GASK1B: variants seen among roughly 807,000 people sequenced by gnomAD.
GASK1B encodes the protein golgi associated kinase 1B.
GASK1B carries 34 observed loss-of-function variants against 42.8 expected under a neutral mutation model. That is an observed-to-expected ratio of 0.79 (90% CI 0.60 to 1.06). GASK1B has a LOEUF of 1.06. Among genes scored for constraint, GASK1B ranks in the 50% least tolerant of loss-of-function variants. The pLI is 0.00. For missense variants in GASK1B, 686 were observed against 661.0 expected (o/e 1.04, Z -0.42); for synonymous variants, 262 against 259.1 (o/e 1.01, Z -0.11).
Position 158,127,259 on chromosome 4 carries a change from A to G in GASK1B, c.*148T>C. ...AAGTATGCATACAGTGCTAAGTCCC[A>G]TTATAGCTACTTGGTTAAAGTCATT... On this transcript the variant is annotated 3_prime_UTR_variant, in exon 5 of 5. Transcript: ENST00000585682. 4.5e-6 allele frequency: 3 copies of G among 659,700 alleles called. 1 individual carries two copies. The South Asian group carries it at 5.6e-5, about 12-fold the overall frequency. The allele number at this position is 659,700 out of a possible 1,614,324, so 40.9% of individuals were successfully genotyped here.
chr4:158,170,520 G>C lies in GASK1B; in HGVS notation c.856C>G (p.Leu286Val). 1 of 1,614,248 alleles carries C rather than the reference G, an allele frequency of 6.2e-7. No homozygotes were observed. The highest frequency in any genetic ancestry group is 8.5e-7 in the Non-Finnish European group (1 of 1,180,040). ...EVFAFHLDRILGLNRTLPSVS... is the reference protein window; with the variant it reads ...EVFAFHLDRIVGLNRTLPSVS... The stretch of plus-strand genomic sequence containing the variant: ...GACGGCAGGGTCCTGTTGAGCCCCA[G>C]GATCCTGTCTAGGTGGAAGGCAAAC... Residue 286 changes from leucine to valine, a missense_variant, in exon 2 of 5, where the codon CTG becomes GTG. Physicochemically the swap from Leu to Val is conservative, Grantham distance 32. Transcript: ENST00000585682.
At chr4:158,171,859 A>C (rs1204696839) in intron 1 of GASK1B, among the ~76,000 whole-genome samples, 2 of 152,208 alleles carry the variant, frequency 1.3e-5, no homozygotes, top group Non-Finnish European at 2.9e-5. Context: ...TCTGAAGCAA[A>C]AGCGTTAAAA....
chr4:158,131,319 C>A (rs1217835227), intron 3 of GASK1B, among the ~76,000 whole-genome samples: 6 of 152,202 alleles, frequency 3.9e-5, no homozygotes, highest in African/African-American at 1.4e-4. Flanking sequence ...CCAGCACAAT[C>A]TCTGACTCCA....
chr4:158,132,418 A>T (rs1336471491), intron 3 of GASK1B, among the ~76,000 whole-genome samples: 1 of 152,206 alleles, frequency 6.6e-6, no homozygotes, highest in Non-Finnish European at 1.5e-5. Context: ...TCCAACAAAC[A>T]GTTATTGAAC....
In GASK1B at chr4:158,125,086, A is replaced by G. The variant is rs1730399451; in HGVS notation, c.*2321T>C. 6.6e-6 allele frequency: 1 copy of G among 152,356 alleles called. No individual in the cohort carries two copies. Among genetic ancestry groups the G allele is most frequent in the South Asian group, 2.1e-4 (1 of 4,834 alleles). 9.4% of individuals were successfully genotyped at this position (152,356 alleles called of 1,614,324 possible). ...TGCACAGAGTATTCTCATTGTTTCA[A>G]TAAGACAAAAGAAGAACATTACCTA... On this transcript the variant is annotated 3_prime_UTR_variant, in exon 5 of 5. Coordinates refer to ENST00000585682, the MANE Select transcript of GASK1B (RefSeq NM_001128424.2).
chr4:158,155,343 T>C (rs1339304655), intron 3 of GASK1B, among the ~76,000 whole-genome samples: 1 of 152,194 alleles, frequency 6.6e-6, no homozygotes, highest in Non-Finnish European at 1.5e-5. Flanking sequence ...TTTCCAGATC[T>C]TTTTCCTGCT....
intron 2 of GASK1B, 99 bp from the exon 3 acceptor site, chr4:158,155,924 A>G: frequency 2.2e-6 from 2 of 901,930 alleles, no homozygotes; most frequent in Non-Finnish European, 3.4e-6. Flanking sequence ...ACGCTCACCT[A>G]TCAAATGTGA....
intron 2 of GASK1B, chr4:158,159,403 A>G: frequency 2.8e-6 from 1 of 353,434 alleles, no homozygotes; most frequent in Non-Finnish European, 5.6e-6. Flanking sequence ...GTTGAGGAGA[A>G]TTCCACCTCT....
At chr4:158,149,456 T>A (rs1344566227) in intron 3 of GASK1B, among the ~76,000 whole-genome samples, 1 of 152,148 alleles carries the variant, frequency 6.6e-6, no homozygotes, top group Non-Finnish European at 1.5e-5. Flanking sequence ...GGTTCAGAAT[T>A]AAAATACATG....
At chr4:158,162,791 G>A (rs1346458082) in intron 2 of GASK1B, among the ~76,000 whole-genome samples, 1 of 152,156 alleles carries the variant, frequency 6.6e-6, no homozygotes, top group Non-Finnish European at 1.5e-5. Context: ...CAAGGCAATG[G>A]GAAAAGTGGT....
At chr4:158,133,064 G>A (rs566161624) in intron 3 of GASK1B, among the ~76,000 whole-genome samples, 2 of 152,214 alleles carry the variant, frequency 1.3e-5, no homozygotes, top group South Asian at 2.1e-4. Flanking sequence ...GTCATTTTAC[G>A]CAGTACCTTC....
intron 2 of GASK1B, chr4:158,170,127 C>T: frequency 8.9e-7 from 1 of 1,119,304 alleles, no homozygotes; most frequent in Non-Finnish European, 1.3e-6. Flanking sequence ...AGTTCTTTGC[C>T]TCCAGCCTAG....
intron 3 of GASK1B, among the ~76,000 whole-genome samples, chr4:158,151,921 G>C (rs1270844983): frequency 6.6e-6 from 1 of 152,168 alleles, no homozygotes; most frequent in Non-Finnish European, 1.5e-5. Flanking sequence ...GACTGGGAGA[G>C]GCAGACCCAC....
chr4:158,156,225 A>G (rs942406328), intron 2 of GASK1B, among the ~76,000 whole-genome samples: 2 of 152,178 alleles, frequency 1.3e-5, no homozygotes, highest in Admixed American at 6.5e-5. Context: ...GCTGCTCTTT[A>G]TTTGTAATAA....
rs369575613 is a variant in GASK1B, at chr4:158,128,417, T to A, written c.1353-803A>T. Among the ~76,000 whole-genome samples the A allele has an allele frequency of 5.3e-5, 8 of 152,306 alleles. No individual in the cohort carries two copies. The East Asian group carries it at 1.5e-3, about 29-fold the overall frequency. Reference sequence around the variant, plus strand: ...AGCCAGGAGTCCAGCATATACATTATCTGAAGGACTTAGCAAAATTTCTAG... The same window carrying A: ...AGCCAGGAGTCCAGCATATACATTAACTGAAGGACTTAGCAAAATTTCTAG... On this transcript the variant is annotated intron_variant, in intron 4 of 4. Coordinates refer to ENST00000585682, the MANE Select transcript of GASK1B (RefSeq NM_001128424.2).
At chr4:158,163,024 T>C (rs1177482592) in intron 2 of GASK1B, among the ~76,000 whole-genome samples, 1 of 152,224 alleles carries the variant, frequency 6.6e-6, no homozygotes, top group Non-Finnish European at 1.5e-5. Flanking sequence ...AGGAAATGTG[T>C]ACAAGATTAT....
chr4:158,171,310 C>T lies in GASK1B; in HGVS notation c.66G>A (p.Arg22=), dbSNP rs1732524517. ...GCCGGCTGCTCCAGAGCTTACGCAC[C>T]CGCGGGACGCACAGGGAGCAGATGA... ...NWFICSLCVP[R]VRKLWSSRRP... is the part of the protein sequence containing the mutation. The change falls in exon 2 of 5, where the codon CGG becomes CGA. Residue 22 remains arginine, a synonymous_variant. Coordinates refer to ENST00000585682, the MANE Select transcript of GASK1B (RefSeq NM_001128424.2). 1 of 1,612,914 alleles carries T rather than the reference C, an allele frequency of 6.2e-7. No individual in the cohort carries two copies. Among genetic ancestry groups the T allele is most frequent in the Non-Finnish European group, 8.5e-7 (1 of 1,179,432 alleles).
At chr4:158,152,333 CCTAA>C (rs934189496) in intron 3 of GASK1B, among the ~76,000 whole-genome samples, 24 of 152,106 alleles carry the variant, frequency 1.6e-4, no homozygotes, top group African/African-American at 2.9e-4. Context: ...TCTAGAGAAC[CCTAA>C]CTAATACAGT....
chr4:158,170,323 A>C (rs1170071901), intron 2 of GASK1B, 143 bp downstream of exon 2: 1 of 1,614,140 alleles, frequency 6.2e-7, no homozygotes. Context: ...TGCCAAGCGC[A>C]TGGAAAGACA....
Sources: allele counts gnomAD v4.1 joint callset (sites outside exome capture counted in the v4.1 genomes callset), GRCh38; gene constraint gnomAD v4.1.1; transcripts MANE v1.5; gene names NCBI Gene and HGNC (gene_info 2026-07-23, HGNC 2026-07-21).